The following TSHZ1 variants were observed in gnomAD, a reference collection of about 807,000 sequenced individuals.
TSHZ1 encodes teashirt zinc finger homeobox 1.
Under a neutral mutation model 67.1 loss-of-function variants are expected in TSHZ1, and 12 were observed. The observed-to-expected ratio is 0.18, with a 90% CI of 0.11 to 0.29. The LOEUF is 0.29. Among genes scored for constraint, TSHZ1 ranks in the 10% least tolerant of loss-of-function variants. TSHZ1 has a pLI of 1.00. For missense variants in TSHZ1, 1,305 were observed against 1,413.9 expected, an observed-to-expected ratio of 0.92 and a Z score of 1.23; for synonymous variants, 632 against 622.4, an observed-to-expected ratio of 1.02 and a Z score of -0.23.
At chr18:75,273,614 ATG>A (rs1156672459) in intron 1 of TSHZ1, among the ~76,000 whole-genome samples, 1 of 152,192 alleles carries the variant, frequency 6.6e-6, no homozygotes, top group African/African-American at 2.4e-5. Flanking sequence ...CAGACGGTGT[ATG>A]TGTGTTTACG....
chr18:75,236,465 C>T lies in TSHZ1; in HGVS notation c.40+24549C>T, dbSNP rs111715440. 5.0e-3 allele frequency among the ~76,000 whole-genome samples: 754 copies of T among 152,236 alleles called. 12 individuals carry two copies. Among genetic ancestry groups the T allele is most frequent in the African/African-American group, 0.017 (689 of 41,534 alleles). On this transcript the variant is annotated intron_variant, in intron 1 of 1. Coordinates refer to ENST00000580243, the MANE Select transcript of TSHZ1 (RefSeq NM_001308210.2). ...TTGGCACCTTTTAGATTATAAAACA[C>T]GTTTAAGGGATGGCGTTCATTATTC...
At chr18:75,263,049 GA>G (rs758065669) in intron 1 of TSHZ1, among the ~76,000 whole-genome samples, 1 of 152,174 alleles carries the variant, frequency 6.6e-6, no homozygotes, top group Non-Finnish European at 1.5e-5. Flanking sequence ...TAACAGTCCA[GA>G]GCTCTTTCTC....
In TSHZ1 at chr18:75,281,682, A is replaced by T. The variant is rs1568368130; in HGVS notation, c.41-3766A>T. ...GCAAGAGCAGGAGGCAGACCTGGGG[A>T]TGCGGCAGCTCAGAACGGGGAGCGG... On this transcript the variant is annotated intron_variant, in intron 1 of 1. Coordinates refer to ENST00000580243, the MANE Select transcript of TSHZ1 (RefSeq NM_001308210.2). The surrounding 1 kb of genome is among the most constrained non-coding windows in gnomAD (Gnocchi z 5.3). Among the ~76,000 whole-genome samples the T allele has an allele frequency of 6.6e-6, 1 of 152,112 alleles. No individual in the cohort carries two copies. The highest frequency in any genetic ancestry group is 2.4e-5 in the African/African-American group (1 of 41,418).
At chr18:75,244,287 G>C (rs908489684) in intron 1 of TSHZ1, among the ~76,000 whole-genome samples, 1 of 152,206 alleles carries the variant, frequency 6.6e-6, no homozygotes. Flanking sequence ...TATCACAACC[G>C]GGTAAGGTTG....
rs185078098 is a variant in TSHZ1 at position 75,268,564 on chromosome 18, T to C, written c.41-16884T>C. ...AACAGCGCAGCTTCCCCGTGTCGGCTACAAAACCACTCTGACCACCTAAAT... is the reference window on the plus strand; with the variant it reads ...AACAGCGCAGCTTCCCCGTGTCGGCCACAAAACCACTCTGACCACCTAAAT... On this transcript the variant is annotated intron_variant, in intron 1 of 1. Coordinates refer to ENST00000580243, the MANE Select transcript of TSHZ1 (RefSeq NM_001308210.2). Among the ~76,000 whole-genome samples the C allele has an allele frequency of 3.3e-5, 5 of 152,262 alleles. No homozygotes were observed. The East Asian group carries it at 9.6e-4, about 29-fold the overall frequency.
chr18:75,227,676 C>T (rs2022943944), intron 1 of TSHZ1, among the ~76,000 whole-genome samples: 3 of 152,208 alleles, frequency 2.0e-5, no homozygotes, highest in African/African-American at 7.2e-5. Flanking sequence ...CGTACAGTCC[C>T]TACCACACTG....
At chr18:75,278,456 C>T (rs2023642424) in intron 1 of TSHZ1, among the ~76,000 whole-genome samples, 1 of 152,178 alleles carries the variant, frequency 6.6e-6, no homozygotes, top group Non-Finnish European at 1.5e-5. Flanking sequence ...CCGCCTTCTC[C>T]CCAGGTCCTA....
intron 1 of TSHZ1, among the ~76,000 whole-genome samples, chr18:75,282,468 C>T (rs1008320413): frequency 6.6e-6 from 1 of 152,120 alleles, no homozygotes; most frequent in Non-Finnish European, 1.5e-5. Context: ...GAATTGTGTC[C>T]CCGTCATTCA....
chr18:75,288,722 C>A lies in TSHZ1; in HGVS notation c.*81C>A. 6.6e-7 allele frequency: 1 copy of A among 1,508,420 alleles called. No homozygotes were observed. Among genetic ancestry groups the A allele is most frequent in the South Asian group, 1.4e-5 (1 of 71,928 alleles). The allele number at this position is 1,508,420 out of a possible 1,614,324, so 93.4% of individuals were successfully genotyped here. A position where few individuals can be genotyped will look rare whatever the true frequency, so the allele number is the denominator to read the frequency against. ...TAGGCCTGGCCTGAGCCTCTGAAATCAGTCTTTCCTTTGTTGCTGGCCCGC... is the reference window on the plus strand; with the variant it reads ...TAGGCCTGGCCTGAGCCTCTGAAATAAGTCTTTCCTTTGTTGCTGGCCCGC... On this transcript the variant is annotated 3_prime_UTR_variant, in exon 2 of 2. Coordinates refer to ENST00000580243, the MANE Select transcript of TSHZ1 (RefSeq NM_001308210.2). This position sits in a 1 kb window ranked among gnomAD's most constrained non-coding sequence, Gnocchi z 4.9.
intron 1 of TSHZ1, among the ~76,000 whole-genome samples, chr18:75,273,051 T>C (rs1320233441): frequency 1.3e-5 from 2 of 152,194 alleles, no homozygotes; most frequent in African/African-American, 4.8e-5. Context: ...GGATGTTCCA[T>C]AGTGCGTGTG....
Position 75,288,649 on chromosome 18 carries a change from G to A in TSHZ1, c.*8G>A. 6.4e-7 allele frequency: 1 copy of A among 1,573,852 alleles called. No homozygotes were observed. Among genetic ancestry groups the A allele is most frequent in the South Asian group, 1.2e-5 (1 of 84,058 alleles). On this transcript the variant is annotated 3_prime_UTR_variant, in exon 2 of 2. Transcript: ENST00000580243. The surrounding 1 kb of genome is among the most constrained non-coding windows in gnomAD (Gnocchi z 4.9). ...GAGTTGGAGAAACAGTAGCGTCCAG[G>A]TATGCAAGAGACCGCGGAACATTGC...
intron 1 of TSHZ1, among the ~76,000 whole-genome samples, chr18:75,214,412 A>G (rs1349916938): frequency 6.6e-6 from 1 of 152,238 alleles, no homozygotes; most frequent in East Asian, 1.9e-4. Context: ...GCCACAATGC[A>G]TTGGTAGCAA....
chr18:75,266,390 A>G (rs900319928), intron 1 of TSHZ1, among the ~76,000 whole-genome samples: 1 of 152,116 alleles, frequency 6.6e-6, no homozygotes. Flanking sequence ...GTACCCTTTC[A>G]TTGAGTTCGT....
At chr18:75,274,081 C>T (rs987075423) in intron 1 of TSHZ1, among the ~76,000 whole-genome samples, 3 of 152,048 alleles carry the variant, frequency 2.0e-5, no homozygotes, top group Admixed American at 1.3e-4. Flanking sequence ...GGGTGCTGTG[C>T]GTGTCCCCCC....
At chr18:75,252,076 T>C (rs2023311592) in intron 1 of TSHZ1, among the ~76,000 whole-genome samples, 1 of 152,236 alleles carries the variant, frequency 6.6e-6, no homozygotes, top group African/African-American at 2.4e-5. Context: ...TGTCTGTCTG[T>C]CTATCTATAT....
chr18:75,278,620 A>G (rs2023644461), intron 1 of TSHZ1, among the ~76,000 whole-genome samples: 1 of 151,922 alleles, frequency 6.6e-6, no homozygotes, highest in African/African-American at 2.4e-5. Flanking sequence ...GCGCACCGTG[A>G]AAGACCGGGG....
Position 75,287,694 on chromosome 18 carries a change from C to T in TSHZ1, c.2287C>T (p.Pro763Ser). 2 of 1,614,196 alleles carry T rather than the reference C, an allele frequency of 1.2e-6. No individual in the cohort carries two copies. Among genetic ancestry groups the T allele is most frequent in the Non-Finnish European group, 1.7e-6 (2 of 1,180,038 alleles). Reference sequence around the variant, plus strand: ...CACCCACCTGGGCAAGGTGTCCAAGCCCGTGAGTCCCTCGCTGGACCCGCT... The same window carrying T: ...CACCCACCTGGGCAAGGTGTCCAAGTCCGTGAGTCCCTCGCTGGACCCGCT... The part of the protein sequence containing the change: ...MNTHLGKVSK[P>S]VSPSLDPLAM... Residue 763 changes from proline (P) to serine (S), a missense_variant, in exon 2 of 2, where the codon CCC (proline) becomes TCC (serine). Physicochemically the swap from Pro to Ser is moderately conservative, Grantham distance 74. This residue lies in a region of TSHZ1 where 909 missense variants were observed against 961.8 expected (regional missense o/e 0.95). Transcript: ENST00000580243. The surrounding 1 kb of genome is among the most constrained non-coding windows in gnomAD (Gnocchi z 5.0).
At chr18:75,239,148 C>T (rs1599034465) in intron 1 of TSHZ1, among the ~76,000 whole-genome samples, 1 of 152,360 alleles carries the variant, frequency 6.6e-6, no homozygotes, top group African/African-American at 2.4e-5. Context: ...CACATGGACA[C>T]AGGGTCCCCA....
At chr18:75,242,326 C>G (rs2023166766) in intron 1 of TSHZ1, among the ~76,000 whole-genome samples, 1 of 152,250 alleles carries the variant, frequency 6.6e-6, no homozygotes, top group South Asian at 2.1e-4. Flanking sequence ...GACACACGAG[C>G]TGGCTGGTCC....
Sources: allele counts gnomAD v4.1 joint callset (sites outside exome capture counted in the v4.1 genomes callset), GRCh38; gene constraint gnomAD v4.1.1; regional missense constraint gnomAD v4.1.1; non-coding constraint Gnocchi (gnomAD v3.1); transcripts MANE v1.5; gene names NCBI Gene and HGNC (gene_info 2026-07-23, HGNC 2026-07-21).